Variants in PCSK5 observed in about 807,000 individuals in gnomAD.
The protein encoded by PCSK5 is prohormone convertase 5.
A neutral mutation model predicts 233.2 loss-of-function variants in PCSK5; 129 were observed. The ratio of observed to expected loss-of-function variants is 0.55; its 90% CI spans 0.48 to 0.64. The LOEUF is 0.64. Ranked by LOEUF, PCSK5 falls within the 30% of genes least tolerant of loss-of-function variation. The probability of loss-of-function intolerance (pLI) is 0.00; values close to 1 mark genes in which losing one functional copy is unlikely to be tolerated. For synonymous variants in PCSK5, 825 were observed against 879.2 expected (o/e 0.94, Z 1.09); for missense variants, 2,076 against 2,430.1 (o/e 0.85, Z 3.06).
At chr9:76,296,364 T>C (rs4745532) in intron 26 of PCSK5, among the ~76,000 whole-genome samples, 69,738 of 152,008 alleles carry the variant, frequency 0.46, 16,854 homozygotes, top group East Asian at 0.84. Flanking sequence ...CTGGCCAACA[T>C]GGTGAAACCC....
chr9:76,004,334 C>T (rs201130657), intron 3 of PCSK5, among the ~76,000 whole-genome samples: 2 of 151,940 alleles, frequency 1.3e-5, no homozygotes, highest in Non-Finnish European at 2.9e-5. Flanking sequence ...ATCCTTTTCA[C>T]GGCTTCCTGT....
At chr9:75,892,758 C>CGGGGAGTGT (rs1554701642) in intron 1 of PCSK5, among the ~76,000 whole-genome samples, 2 of 152,138 alleles carry the variant, frequency 1.3e-5, no homozygotes, top group Admixed American at 6.5e-5. Context: ...CTGGGGAGTG[C>CGGGGAGTGT]GGGGAGTGTT....
chr9:76,249,448 TC>T (rs1826731208), intron 24 of PCSK5, among the ~76,000 whole-genome samples: 1 of 152,066 alleles, frequency 6.6e-6, no homozygotes, highest in Non-Finnish European at 1.5e-5. Flanking sequence ...GATAAAACAA[TC>T]AAGAAAATGC....
chr9:76,021,932 T>A (rs942439612), intron 3 of PCSK5, among the ~76,000 whole-genome samples: 2 of 152,178 alleles, frequency 1.3e-5, no homozygotes, highest in Non-Finnish European at 2.9e-5. Flanking sequence ...ATACCCATCC[T>A]ACCCATCCTC....
intron 12 of PCSK5, among the ~76,000 whole-genome samples, chr9:76,160,807 G>A (rs534775780): frequency 6.7e-6 from 1 of 150,196 alleles, no homozygotes; most frequent in African/African-American, 2.5e-5. Context: ...GTCTTGCTCT[G>A]TTGCCCAGGC....
intron 34 of PCSK5, among the ~76,000 whole-genome samples, chr9:76,335,642 A>G (rs952086085): frequency 1.3e-5 from 2 of 152,150 alleles, no homozygotes; most frequent in African/African-American, 2.4e-5. Context: ...TAAACTCTTC[A>G]TTGTCTCTTT....
At chr9:76,085,016 C>G (rs941217469) in intron 7 of PCSK5, among the ~76,000 whole-genome samples, 2 of 152,222 alleles carry the variant, frequency 1.3e-5, no homozygotes, top group African/African-American at 4.8e-5. Context: ...CACAGGAACA[C>G]TCAGCTTATT....
chr9:75,972,635 A>G (rs1825855777), intron 2 of PCSK5, among the ~76,000 whole-genome samples: 1 of 152,084 alleles, frequency 6.6e-6, no homozygotes. Flanking sequence ...TATTCTTTGT[A>G]GCCATTGTGA....
At chr9:75,986,292 T>G in intron 3 of PCSK5, 47 bp downstream of exon 3, 14 of 1,070,612 alleles carry the variant, frequency 1.3e-5, no homozygotes, top group Middle Eastern at 2.0e-4. Context: ...CATCCGGTTT[T>G]GTGTTGTATG....
At position 76,175,015 on chromosome 9, in the gene PCSK5, T is replaced by C; in HGVS notation, c.1786T>C (p.Tyr596His). Residue 596 changes from tyrosine to histidine, a missense_variant, in exon 14 of 38, where the codon TAC (tyrosine) becomes CAC (histidine). Physicochemically the swap from Tyr to His is moderately conservative, Grantham distance 83 (BLOSUM62 2). Coordinates refer to ENST00000674117, the MANE Select transcript of PCSK5 (RefSeq NM_001372043.1). ...GKLKEWSLVL[Y>H]GTSVQPYSPT... ...ATTGAAAGAATGGTCTTTGGTCCTC[T>C]ACGGCACCTCCGTGCAGCCATATTC... 1 of 1,613,094 alleles carries C rather than the reference T, an allele frequency of 6.2e-7. No homozygotes were observed. Among genetic ancestry groups the C allele is most frequent in the Non-Finnish European group, 8.5e-7 (1 of 1,179,640 alleles).
intron 5 of PCSK5, among the ~76,000 whole-genome samples, chr9:76,058,007 A>T (rs1057076188): frequency 1.3e-5 from 2 of 151,706 alleles, no homozygotes; most frequent in Non-Finnish European, 2.9e-5. Flanking sequence ...CAGCTAATTT[A>T]TTTTTTATTT....
chr9:76,195,710 T>C (rs1222048110), intron 20 of PCSK5: 2 of 152,204 alleles, frequency 1.3e-5, no homozygotes, highest in African/African-American at 4.8e-5. Flanking sequence ...GTCTTTTTAT[T>C]TTCAATTAGT....
At chr9:76,169,386 CTCCTCCACG>C (rs1262982307) in intron 12 of PCSK5, among the ~76,000 whole-genome samples, 2 of 152,084 alleles carry the variant, frequency 1.3e-5, no homozygotes, top group African/African-American at 4.8e-5. Context: ...AGAGCCCTAG[CTCCTCCACG>C]TCTTCAATAC....
chr9:76,283,283 T>G (rs987732382), intron 24 of PCSK5, among the ~76,000 whole-genome samples: 2 of 152,202 alleles, frequency 1.3e-5, no homozygotes, highest in South Asian at 4.1e-4. Flanking sequence ...GAGAAATCTT[T>G]CATGTAAAGG....
chr9:76,210,668 G>GAGTGGTC (rs1158251154), intron 20 of PCSK5, among the ~76,000 whole-genome samples: 3 of 152,196 alleles, frequency 2.0e-5, no homozygotes, highest in Non-Finnish European at 4.4e-5. Flanking sequence ...TTAGGTAGGA[G>GAGTGGTC]AGTGGTCTGA....
chr9:76,360,919 CA>C lies in PCSK5; in HGVS notation c.*1998del, dbSNP rs1830421049. ...AAATGCAAAAGCTATTCTCAGTTCA[CA>C]GCATTACAAGAACAGGTGGTGGGTC... On this transcript the variant is annotated 3_prime_UTR_variant, in exon 38 of 38. Transcript: ENST00000674117. 6.6e-6 allele frequency: 1 copy of C among 152,122 alleles called. No individual in the cohort carries two copies. The highest frequency in any genetic ancestry group is 2.4e-5 in the African/African-American group (1 of 41,396). The allele number at this position is 152,122 out of a possible 1,614,324, so 9.4% of individuals were successfully genotyped here. A position where few individuals can be genotyped will look rare whatever the true frequency, so the allele number is the denominator to read the frequency against.
chr9:76,111,328 C>A (rs1466194202), intron 9 of PCSK5, among the ~76,000 whole-genome samples: 1 of 151,598 alleles, frequency 6.6e-6, no homozygotes, highest in African/African-American at 2.4e-5. Flanking sequence ...CCTTTTTTTC[C>A]TGGGTTGGAG....
intron 21 of PCSK5, among the ~76,000 whole-genome samples, chr9:76,228,263 C>T (rs1047239604): frequency 6.6e-6 from 1 of 152,102 alleles, no homozygotes; most frequent in Admixed American, 6.6e-5. Context: ...GCCTCAGCCT[C>T]CCAAAGTGCT....
chr9:76,208,377 T>C (rs1825204176), intron 20 of PCSK5, among the ~76,000 whole-genome samples: 1 of 152,182 alleles, frequency 6.6e-6, no homozygotes, highest in Admixed American at 6.5e-5. Context: ...GAGGCCCTTC[T>C]CAGTATTCCA....
Sources: allele counts gnomAD v4.1 joint callset (sites outside exome capture counted in the v4.1 genomes callset), GRCh38; gene constraint gnomAD v4.1.1; transcripts MANE v1.5; gene names NCBI Gene and HGNC (gene_info 2026-07-23, HGNC 2026-07-21).